The following TULP4 variants were observed in gnomAD, a reference collection of about 807,000 sequenced individuals.
TULP4 encodes the protein tubby-related protein 4.
A neutral mutation model predicts 129.0 loss-of-function variants in TULP4; 16 were observed. The ratio of observed to expected loss-of-function variants is 0.12; its 90% CI spans 0.08 to 0.19. TULP4 has a LOEUF of 0.19. TULP4 is among the 10% of genes least tolerant of loss of function. The pLI, the probability that TULP4 is intolerant of heterozygous loss-of-function variation, is 1.00. For synonymous variants in TULP4, 998 were observed against 854.0 expected (o/e 1.17, Z -2.94); for missense variants, 1,842 against 2,059.1 (o/e 0.89, Z 2.04).
rs1256140461 is a variant in TULP4, at chr6:158,337,020, ATTTTCTTTCTTTCT to A, written c.252+22769_252+22782del. On this transcript the variant is annotated intron_variant, in intron 1 of 13. Coordinates refer to ENST00000367097, the MANE Select transcript of TULP4 (RefSeq NM_020245.5). ...GAAAGGAAAGGTTATGAGCTGTAAAATTTTCTTTCTTTCTTTTTCTTTCTTTCTTTCTTTCTTTC... is the reference window on the plus strand; with the variant it reads ...GAAAGGAAAGGTTATGAGCTGTAAAATTTTCTTTCTTTCTTTCTTTCTTTC... Among the ~76,000 whole-genome samples, 2 of 28,018 alleles carry A rather than the reference ATTTTCTTTCTTTCT, an allele frequency of 7.1e-5. 1 individual carries two copies. The highest frequency in any genetic ancestry group is 2.1e-4 in the African/African-American group (2 of 9,368). 18.4% of individuals were successfully genotyped at this position (28,018 alleles called of 152,430 possible). A position where few individuals can be genotyped will look rare whatever the true frequency, so the allele number is the denominator to read the frequency against.
intron 1 of TULP4, among the ~76,000 whole-genome samples, chr6:158,261,174 A>G (rs974879513): frequency 2.0e-5 from 3 of 152,136 alleles, no homozygotes; most frequent in African/African-American, 4.8e-5. Context: ...CATGATAAAA[A>G]CCATCTATAT....
At chr6:158,491,444 T>TTGAGGAG (rs1780202126) in intron 9 of TULP4, among the ~76,000 whole-genome samples, 1 of 16,678 alleles carries the variant, frequency 6.0e-5, no homozygotes, top group Non-Finnish European at 1.2e-4. Flanking sequence ...TTTCTTTCTT[T>TTGAGGAG]TCTTTCTTTC....
intron 1 of TULP4, among the ~76,000 whole-genome samples, chr6:158,373,333 G>A (rs1283639689): frequency 6.6e-6 from 1 of 152,182 alleles, no homozygotes; most frequent in Non-Finnish European, 1.5e-5. Context: ...CACTGCACTT[G>A]GAAAGTGGAG....
chr6:158,377,097 C>T (rs1255668641), intron 1 of TULP4, among the ~76,000 whole-genome samples: 7 of 152,154 alleles, frequency 4.6e-5, no homozygotes, highest in Non-Finnish European at 8.8e-5. Context: ...TAAATTATTG[C>T]TGTGTAAAAG....
At chr6:158,334,376 G>A (rs568568452) in intron 1 of TULP4, among the ~76,000 whole-genome samples, 6 of 152,222 alleles carry the variant, frequency 3.9e-5, no homozygotes, top group African/African-American at 9.6e-5. Context: ...AGTACAGTAC[G>A]GTGAATGTAT....
rs192588728 is a variant in TULP4, at chr6:158,420,508, T to G, written c.381+7315T>G. Reference sequence around the variant, plus strand: ...TGTTTTGTTTTGTTTTCTGACCGAGTTTCATTCTTGTTGCCTAGGCTGGAG... The same window carrying G: ...TGTTTTGTTTTGTTTTCTGACCGAGGTTCATTCTTGTTGCCTAGGCTGGAG... On this transcript the variant is annotated intron_variant, in intron 2 of 13. Transcript: ENST00000367097. Among the ~76,000 whole-genome samples, 24 of 152,232 alleles carry G rather than the reference T, an allele frequency of 1.6e-4. No individual in the cohort carries two copies. In the East Asian group the frequency reaches 4.6e-3, roughly 29 times the overall value.
chr6:158,386,026 G>T (rs1255020646), intron 1 of TULP4, among the ~76,000 whole-genome samples: 4 of 151,436 alleles, frequency 2.6e-5, no homozygotes, highest in Non-Finnish European at 4.4e-5. Flanking sequence ...TAAATTTTTT[G>T]TAGAGACAGG....
At chr6:158,477,942 T>C (rs139901797) in intron 6 of TULP4, among the ~76,000 whole-genome samples, 6,122 of 152,190 alleles carry the variant, frequency 0.04, 157 homozygotes, top group South Asian at 0.078. Flanking sequence ...AAGAACAAGA[T>C]CATGTCCTTT....
intron 1 of TULP4, among the ~76,000 whole-genome samples, chr6:158,335,151 C>T (rs1306354420): frequency 6.6e-6 from 1 of 151,768 alleles, no homozygotes; most frequent in Non-Finnish European, 1.5e-5. Context: ...GTGGCAGGTG[C>T]CTGTAATCTC....
At chr6:158,471,433 T>C (rs1480250701) in intron 6 of TULP4, among the ~76,000 whole-genome samples, 2 of 152,192 alleles carry the variant, frequency 1.3e-5, no homozygotes, top group African/African-American at 2.4e-5. Flanking sequence ...CTGCTAAGGA[T>C]ACTATGGAAT....
intron 1 of TULP4, among the ~76,000 whole-genome samples, chr6:158,271,046 AG>A (rs759317672): frequency 6.6e-6 from 1 of 150,508 alleles, no homozygotes; most frequent in Non-Finnish European, 1.5e-5. Flanking sequence ...GATACATGGG[AG>A]GCTGAGGCAG....
rs142702024 is a variant in TULP4, at chr6:158,369,512, G to C, written c.253-43553G>C. On this transcript the variant is annotated intron_variant, in intron 1 of 13. Transcript: ENST00000367097. ...GAGACCTGGTCTCAAAATAAAAGGA[G>C]GCTTTAAGTTAGCCTCTGATTCACA... Among the ~76,000 whole-genome samples the C allele has an allele frequency of 4.2e-3, 646 of 152,166 alleles. 3 individuals carry two copies. The highest frequency in any genetic ancestry group is 0.012 in the South Asian group (60 of 4,818).
intron 3 of TULP4, among the ~76,000 whole-genome samples, chr6:158,433,735 G>T (rs148426700): frequency 2.2e-4 from 33 of 152,220 alleles, no homozygotes; most frequent in African/African-American, 7.7e-4. Flanking sequence ...ACAGCATGTT[G>T]TTAATGTCAT....
chr6:158,331,424 T>TG (rs1365114138), intron 1 of TULP4, among the ~76,000 whole-genome samples: 1 of 152,086 alleles, frequency 6.6e-6, no homozygotes. Flanking sequence ...GTCCCAGATT[T>TG]GGCCAGCAGG....
At position 158,378,386 on chromosome 6, in the gene TULP4, GAAT is replaced by G. The variant is rs1426478598; in HGVS notation, c.253-34675_253-34673del. Among the ~76,000 whole-genome samples, 6 of 144,510 alleles carry G rather than the reference GAAT, an allele frequency of 4.2e-5. No homozygotes were observed. In the South Asian group the frequency reaches 1.3e-3, roughly 32 times the overall value. 94.8% of individuals were successfully genotyped at this position (144,510 alleles called of 152,430 possible). ...AAGCATATTAAGACTTAAAAGGAAA[GAAT>G]AATTTTAGGGTTTCTATCTTGGGAG... On this transcript the variant is annotated intron_variant, in intron 1 of 13. Transcript: ENST00000367097.
chr6:158,450,507 T>A (rs1779141561), intron 4 of TULP4, among the ~76,000 whole-genome samples: 1 of 152,132 alleles, frequency 6.6e-6, no homozygotes, highest in African/African-American at 2.4e-5. Flanking sequence ...ACAATTGAGA[T>A]TAATGGTAGT....
chr6:158,345,799 A>G (rs1485303207), intron 1 of TULP4, among the ~76,000 whole-genome samples: 4 of 152,280 alleles, frequency 2.6e-5, no homozygotes, highest in South Asian at 2.1e-4. Context: ...TCTGACCTCA[A>G]ATTTACCAGG....
intron 2 of TULP4, among the ~76,000 whole-genome samples, chr6:158,423,031 C>G (rs556916691): frequency 3.3e-4 from 50 of 151,406 alleles, no homozygotes; most frequent in Non-Finnish European, 4.6e-4. Context: ...AATCCAAGCT[C>G]TCAGGGAGGC....
chr6:158,266,943 CTG>C (rs1014857152), intron 1 of TULP4, among the ~76,000 whole-genome samples: 1 of 152,236 alleles, frequency 6.6e-6, no homozygotes, highest in Non-Finnish European at 1.5e-5. Context: ...AACTGAAACT[CTG>C]TGCCCATCAA....
Sources: allele counts gnomAD v4.1 joint callset (sites outside exome capture counted in the v4.1 genomes callset), GRCh38; gene constraint gnomAD v4.1.1; transcripts MANE v1.5; gene names NCBI Gene and HGNC (gene_info 2026-07-23, HGNC 2026-07-21).